Variants in SLC6A15 observed in about 807,000 individuals in gnomAD.
SLC6A15 encodes the protein solute carrier family 6 member 15, also known as sodium-dependent neutral amino acid transporter B(0)AT2.
SLC6A15 carries 33 observed loss-of-function variants against 68.5 expected under a neutral mutation model. The observed-to-expected ratio is 0.48, with a 90% CI of 0.37 to 0.64. SLC6A15 has a LOEUF of 0.64. Ranked by LOEUF, SLC6A15 falls within the 30% of genes least tolerant of loss-of-function variation. The probability of loss-of-function intolerance (pLI) is 0.00; values close to 1 mark genes in which losing one functional copy is unlikely to be tolerated. For synonymous variants in SLC6A15, 347 were observed against 301.0 expected, an observed-to-expected ratio of 1.15 and a Z score of -1.58; for missense variants, 747 against 874.3, an observed-to-expected ratio of 0.85 and a Z score of 1.84.
intron 1 of SLC6A15, among the ~76,000 whole-genome samples, chr12:84,899,191 C>G (rs1431970497): frequency 6.6e-6 from 1 of 152,208 alleles, no homozygotes; most frequent in African/African-American, 2.4e-5. Flanking sequence ...CTCTCTATTT[C>G]ACATTGGCTA....
At chr12:84,907,496 T>A (rs1443112949) in intron 1 of SLC6A15, among the ~76,000 whole-genome samples, 1 of 152,064 alleles carries the variant, frequency 6.6e-6, no homozygotes, top group African/African-American at 2.4e-5. Flanking sequence ...AATGCAAATA[T>A]AAAATACTAT....
At chr12:84,862,795 T>C (rs973160585) in intron 11 of SLC6A15, among the ~76,000 whole-genome samples, 1 of 152,022 alleles carries the variant, frequency 6.6e-6, no homozygotes, top group African/African-American at 2.4e-5. Flanking sequence ...ATTTGTTTAT[T>C]GATTGATTGA....
chr12:84,869,836 GT>G (rs890381447), intron 9 of SLC6A15, among the ~76,000 whole-genome samples: 15 of 151,974 alleles, frequency 9.9e-5, no homozygotes, highest in African/African-American at 3.6e-4. Context: ...TAGTGTTATT[GT>G]TTTTGGAGAA....
At chr12:84,869,922 C>T (rs1490598875) in intron 9 of SLC6A15, among the ~76,000 whole-genome samples, 1 of 151,968 alleles carries the variant, frequency 6.6e-6, no homozygotes, top group Non-Finnish European at 1.5e-5. Context: ...GAGTATGATG[C>T]ATTAAACTGG....
chr12:84,862,491 C>G (rs993423671), intron 11 of SLC6A15, among the ~76,000 whole-genome samples: 1 of 152,058 alleles, frequency 6.6e-6, no homozygotes, highest in Non-Finnish European at 1.5e-5. Flanking sequence ...ACATCTGGCC[C>G]CAAGGGTTTT....
intron 1 of SLC6A15, among the ~76,000 whole-genome samples, chr12:84,895,339 A>G (rs77866778): frequency 1.8e-5 from 1 of 54,772 alleles, no homozygotes; most frequent in African/African-American, 6.7e-5. Context: ...TTTTGTTTGT[A>G]TTTTTTTTTT....
At position 84,861,611 on chromosome 12, in the gene SLC6A15, A is replaced by G; in HGVS notation, c.*21T>C. The G allele has an allele frequency of 6.4e-7, 1 of 1,569,764 alleles. No homozygotes were observed. Among genetic ancestry groups the G allele is most frequent in the Non-Finnish European group, 8.7e-7 (1 of 1,155,530 alleles). ...CATTGGTAAAAATGAACCAAATAAA[A>G]CCCACTGACTTTTCCCCCAGCTACA... On this transcript the variant is annotated 3_prime_UTR_variant, in exon 12 of 12. Coordinates refer to ENST00000266682, the MANE Select transcript of SLC6A15 (RefSeq NM_182767.6).
intron 1 of SLC6A15, among the ~76,000 whole-genome samples, chr12:84,896,114 G>A (rs986599096): frequency 1.3e-5 from 2 of 152,150 alleles, no homozygotes; most frequent in Non-Finnish European, 2.9e-5. Context: ...CCATTCTTGT[G>A]ATAGACAATC....
chr12:84,908,279 C>G (rs917582834), intron 1 of SLC6A15, among the ~76,000 whole-genome samples: 1 of 151,956 alleles, frequency 6.6e-6, no homozygotes, highest in Non-Finnish European at 1.5e-5. Context: ...TTTTAATACC[C>G]TAAAATTATG....
At chr12:84,898,161 G>A (rs760109938) in intron 1 of SLC6A15, among the ~76,000 whole-genome samples, 8 of 152,104 alleles carry the variant, frequency 5.3e-5, no homozygotes, top group Non-Finnish European at 7.4e-5. Flanking sequence ...CCAACATGGT[G>A]AAACCCCATC....
chr12:84,903,114 G>T (rs182509062), intron 1 of SLC6A15, among the ~76,000 whole-genome samples: 2 of 152,072 alleles, frequency 1.3e-5, no homozygotes, highest in East Asian at 3.9e-4. Flanking sequence ...CTGTGAAATC[G>T]TAATTATTTC....
intron 5 of SLC6A15, chr12:84,880,881 C>T: frequency 1.0e-6 from 1 of 976,976 alleles, no homozygotes; most frequent in Non-Finnish European, 1.2e-6. Flanking sequence ...TATAAACATA[C>T]CTTCAGAATG....
chr12:84,911,086 A>C (rs372840038), intron 1 of SLC6A15, among the ~76,000 whole-genome samples: 1 of 152,188 alleles, frequency 6.6e-6, no homozygotes, highest in African/African-American at 2.4e-5. Flanking sequence ...TCTGTGTTTC[A>C]GCAATGATCT....
intron 2 of SLC6A15, among the ~76,000 whole-genome samples, chr12:84,888,503 A>C (rs1375552593): frequency 2.0e-5 from 3 of 152,154 alleles, no homozygotes; most frequent in Admixed American, 2.0e-4. Context: ...AAGTGAAATA[A>C]CTTAGGAGTA....
chr12:84,889,918 C>T (rs1872311625), intron 2 of SLC6A15, among the ~76,000 whole-genome samples: 1 of 111,924 alleles, frequency 8.9e-6, no homozygotes, highest in African/African-American at 5.7e-5. Flanking sequence ...GATAATATCA[C>T]TAGGCAAATA....
rs1871179669 is a variant in SLC6A15 at position 84,869,131 on chromosome 12, A to G, written c.1495+1347T>C. Among the ~76,000 whole-genome samples the G allele has an allele frequency of 2.6e-5, 4 of 152,134 alleles. No individual in the cohort carries two copies. In the South Asian group the frequency reaches 8.3e-4, roughly 31 times the overall value. The stretch of plus-strand genomic sequence containing the variant: ...CAAATGATAAAGGTATATATTTGAG[A>G]CTTATTTAGACATATATTATTAGTA... On this transcript the variant is annotated intron_variant, in intron 9 of 11. Transcript: ENST00000266682.
intron 1 of SLC6A15, among the ~76,000 whole-genome samples, chr12:84,898,734 A>C (rs1282818516): frequency 6.6e-6 from 1 of 152,188 alleles, no homozygotes; most frequent in East Asian, 1.9e-4. Flanking sequence ...ACTATAATAT[A>C]ACTGATTTGT....
chr12:84,878,318 G>A (rs1195160118), intron 5 of SLC6A15, among the ~76,000 whole-genome samples: 1 of 152,132 alleles, frequency 6.6e-6, no homozygotes, highest in South Asian at 2.1e-4. Context: ...TAAAAAATCA[G>A]AATGCTTTCG....
intron 7 of SLC6A15, 50 bp from the exon 8 acceptor site, chr12:84,872,844 A>G: frequency 7.0e-7 from 1 of 1,438,082 alleles, no homozygotes; most frequent in Non-Finnish European, 9.4e-7. Flanking sequence ...TCTTTGGTGT[A>G]TAGTTTGTGA....
Sources: gnomAD v4.1 joint callset for allele counts (sites outside exome capture counted in the v4.1 genomes callset) on GRCh38, gnomAD v4.1.1 for gene constraint, MANE v1.5 for transcripts, NCBI Gene and HGNC (gene_info 2026-07-23, HGNC 2026-07-21) for gene names.